The following CSMD2 variants were observed in gnomAD, a reference collection of about 807,000 sequenced individuals.
CSMD2 encodes the protein CUB and Sushi multiple domains 2.
CSMD2 carries 130 observed loss-of-function variants against 398.5 expected under a neutral mutation model. The observed-to-expected ratio is 0.33, with a 90% confidence interval of 0.28 to 0.38. The LOEUF is 0.38. CSMD2 is among the 10% of genes least tolerant of loss of function. The pLI, the probability that CSMD2 is intolerant of heterozygous loss-of-function variation, is 1.00. For synonymous variants in CSMD2, 1,828 were observed against 1,908.5 expected (o/e 0.96, Z 1.10); for missense variants, 3,829 against 4,764.9 (o/e 0.80, Z 5.78).
chr1:33,983,380 A>G (rs763726694), intron 3 of CSMD2, among the ~76,000 whole-genome samples: 2 of 152,070 alleles, frequency 1.3e-5, no homozygotes, highest in Non-Finnish European at 2.9e-5. Context: ...ACTTGGGAAC[A>G]TTTTTCCCTG....
chr1:33,748,624 T>C (rs1647731800), intron 13 of CSMD2, among the ~76,000 whole-genome samples: 1 of 152,202 alleles, frequency 6.6e-6, no homozygotes, highest in Admixed American at 6.5e-5. Context: ...TCAGTAGTCC[T>C]TTATAGAGAC....
intron 1 of CSMD2, among the ~76,000 whole-genome samples, chr1:34,118,179 G>T (rs1435856106): frequency 6.6e-6 from 1 of 152,178 alleles, no homozygotes; most frequent in Non-Finnish European, 1.5e-5. Context: ...TCATGCCATT[G>T]CACTTTAGCC....
intron 9 of CSMD2, 123 bp from the exon 10 acceptor site, chr1:33,810,987 G>A (rs956243392): frequency 2.6e-5 from 28 of 1,086,882 alleles, no homozygotes; most frequent in Middle Eastern, 3.0e-4. Context: ...ATAACCTTCT[G>A]CTTCCTGGGT....
chr1:33,923,512 A>G (rs1473968658), intron 4 of CSMD2, among the ~76,000 whole-genome samples: 1 of 152,130 alleles, frequency 6.6e-6, no homozygotes, highest in Non-Finnish European at 1.5e-5. Context: ...TTTCTTGATA[A>G]ATTACCTAGT....
In CSMD2 at chr1:33,633,330, C is replaced by CA; in HGVS notation, c.5200+91_5200+92insT. ...ACGCAGAGCCGTAGGGTTCCACCTG[C>CA]GGCCATGGGGTGCTTCTAGAGCCTC... On this transcript the variant is annotated intron_variant, in intron 32 of 70. Transcript: ENST00000373381. The surrounding 1 kb of genome is among the most constrained non-coding windows in gnomAD (Gnocchi z 5.0). The CA allele has an allele frequency of 1.1e-6, 1 of 906,148 alleles. No homozygotes were observed. The highest frequency in any genetic ancestry group is 1.5e-5 in the South Asian group (1 of 67,796). The allele number at this position is 906,148 out of a possible 1,614,324, so 56.1% of individuals were successfully genotyped here. A position where few individuals can be genotyped will look rare whatever the true frequency, so the allele number is the denominator to read the frequency against.
chr1:34,048,683 T>C (rs991094165), intron 2 of CSMD2, among the ~76,000 whole-genome samples: 14 of 152,188 alleles, frequency 9.2e-5, no homozygotes, highest in Non-Finnish European at 1.9e-4. Flanking sequence ...CCGCCAGAGC[T>C]GGTTTTGAGC....
intron 1 of CSMD2, among the ~76,000 whole-genome samples, chr1:34,116,297 A>T (rs1353331040): frequency 1.3e-5 from 2 of 152,080 alleles, no homozygotes; most frequent in Non-Finnish European, 2.9e-5. Flanking sequence ...GATAGAATAG[A>T]AAAAGATTTT....
chr1:33,751,449 A>G (rs1404128606), intron 13 of CSMD2, among the ~76,000 whole-genome samples: 1 of 152,202 alleles, frequency 6.6e-6, no homozygotes, highest in African/African-American at 2.4e-5. Flanking sequence ...GAGTTTTGTG[A>G]GAGCAATTTC....
chr1:33,863,817 C>G, intron 5 of CSMD2: 1 of 189,870 alleles, frequency 5.3e-6, no homozygotes, highest in Non-Finnish European at 1.1e-5. Context: ...TAAAGTGCAG[C>G]AAAACCCACT....
chr1:33,716,854 T>C (rs969335213), intron 19 of CSMD2, among the ~76,000 whole-genome samples: 10 of 152,174 alleles, frequency 6.6e-5, no homozygotes, highest in Non-Finnish European at 2.9e-5. Flanking sequence ...ATTTGTTGAG[T>C]CTTTACTATG....
intron 3 of CSMD2, among the ~76,000 whole-genome samples, chr1:34,023,709 G>A (rs1192727905): frequency 1.3e-5 from 2 of 152,126 alleles, no homozygotes; most frequent in East Asian, 3.9e-4. Flanking sequence ...TGTGCCAAAT[G>A]TCACCCTAGA....
Position 34,164,202 on chromosome 1 carries a change from T to C in CSMD2, c.187+709A>G, listed in dbSNP as rs528025556. Among the ~76,000 whole-genome samples the C allele has an allele frequency of 9.2e-3, 1,400 of 151,388 alleles. 11 individuals are homozygous for C. The highest frequency in any genetic ancestry group is 0.016 in the Non-Finnish European group (1,057 of 67,750). On this transcript the variant is annotated intron_variant, in intron 1 of 70. Transcript: ENST00000373381. The surrounding 1 kb of genome is among the most constrained non-coding windows in gnomAD (Gnocchi z 6.2). Reference sequence around the variant, plus strand: ...CGGCACTCCCTCCCCCGCCTCGGGCTACAACCCCCACCCCCTCCTTCCCAT... The same window carrying C: ...CGGCACTCCCTCCCCCGCCTCGGGCCACAACCCCCACCCCCTCCTTCCCAT...
intron 5 of CSMD2, among the ~76,000 whole-genome samples, chr1:33,857,403 C>A (rs1294454010): frequency 6.6e-6 from 1 of 152,098 alleles, no homozygotes; most frequent in Non-Finnish European, 1.5e-5. Context: ...AAATGATTGG[C>A]TGCTATGGAT....
At chr1:33,547,945 G>A (rs998469253) in intron 56 of CSMD2, among the ~76,000 whole-genome samples, 2 of 152,222 alleles carry the variant, frequency 1.3e-5, no homozygotes, top group African/African-American at 4.8e-5. Flanking sequence ...AAGAGACCTG[G>A]TGAGAGGTGA....
At chr1:33,981,724 C>T (rs1048724995) in intron 3 of CSMD2, among the ~76,000 whole-genome samples, 1 of 152,184 alleles carries the variant, frequency 6.6e-6, no homozygotes, top group South Asian at 2.1e-4. Flanking sequence ...ATCATAGAGC[C>T]AGACTGGCCC....
rs371649348 is a variant in CSMD2, at chr1:33,874,349, G to A, written c.921-27353C>T. 8.5e-5 allele frequency among the ~76,000 whole-genome samples: 13 copies of A among 152,328 alleles called. 1 individual carries two copies. The highest frequency in any genetic ancestry group is 2.6e-4 in the African/African-American group (11 of 41,572). ...TTAAGAAAAACATTCAATGAGAGCG[G>A]TACTTTAAACACCCCATTTTACAGA... On this transcript the variant is annotated intron_variant, in intron 5 of 70. Coordinates refer to ENST00000373381, the MANE Select transcript of CSMD2 (RefSeq NM_001281956.2).
At chr1:33,874,717 T>C (rs1251957476) in intron 5 of CSMD2, among the ~76,000 whole-genome samples, 1 of 152,210 alleles carries the variant, frequency 6.6e-6, no homozygotes, top group Non-Finnish European at 1.5e-5. Context: ...CTCCAGCTCT[T>C]CGCCCACAGC....
At chr1:33,701,398 G>A (rs1201750109) in intron 22 of CSMD2, among the ~76,000 whole-genome samples, 2 of 152,154 alleles carry the variant, frequency 1.3e-5, no homozygotes, top group African/African-American at 4.8e-5. Flanking sequence ...ATAATGAACT[G>A]GCTCCCCAGG....
At chr1:33,891,781 C>T (rs1367475611) in intron 5 of CSMD2, among the ~76,000 whole-genome samples, 3 of 150,870 alleles carry the variant, frequency 2.0e-5, no homozygotes, top group African/African-American at 7.3e-5. Context: ...TCATCATTCC[C>T]AGTAAACTAT....
Sources: gnomAD v4.1 joint callset for allele counts (sites outside exome capture counted in the v4.1 genomes callset) on GRCh38, gnomAD v4.1.1 for gene constraint, Gnocchi (gnomAD v3.1) non-coding constraint, MANE v1.5 for transcripts, NCBI Gene and HGNC (gene_info 2026-07-23, HGNC 2026-07-21) for gene names.